VBP1: variants seen among roughly 807,000 people sequenced by gnomAD.
The protein encoded by VBP1 is prefoldin subunit 3.
Under a neutral mutation model 15.5 loss-of-function variants are expected in VBP1, and 4 were observed. That is an observed-to-expected ratio of 0.26 (90% CI 0.13 to 0.59). VBP1 has a LOEUF of 0.59. Among genes scored for constraint, VBP1 ranks in the 20% least tolerant of loss-of-function variants. VBP1 has a pLI of 0.90. For missense variants in VBP1, 108 were observed against 139.6 expected, an observed-to-expected ratio of 0.77 and a Z score of 1.14; for synonymous variants, 61 against 52.1, an observed-to-expected ratio of 1.17 and a Z score of -0.74.
chrX:155,198,853 A>G (rs1236901344), intron 1 of VBP1, among the ~76,000 whole-genome samples: 1 of 111,768 alleles, frequency 8.9e-6, no homozygotes, highest in African/African-American at 3.2e-5. Context: ...AGAAGTTAAA[A>G]ACTTTGAAAA....
chrX:155,214,288 A>C (rs2074654233), upstream of VBP1, among the ~76,000 whole-genome samples: 1 of 112,654 alleles, frequency 8.9e-6, no homozygotes, highest in African/African-American at 3.2e-5. Context: ...TAGTTCATCA[A>C]TTGCAACTGT....
intron 2 of VBP1, among the ~76,000 whole-genome samples, chrX:155,221,893 G>A (rs1421301575): frequency 2.7e-5 from 3 of 112,273 alleles, no homozygotes; most frequent in Non-Finnish European, 5.6e-5. Context: ...ATGGAAAGAT[G>A]GAGAGTGTTA....
At chrX:155,221,948 G>A (rs187091144) in intron 2 of VBP1, among the ~76,000 whole-genome samples, 3 of 112,197 alleles carry the variant, frequency 2.7e-5, no homozygotes, top group African/African-American at 9.7e-5. Flanking sequence ...GTGTGCTCTC[G>A]TTTTGGAAAA....
intron 3 of VBP1, among the ~76,000 whole-genome samples, chrX:155,227,859 C>G (rs1557310386): frequency 8.9e-6 from 1 of 112,283 alleles, no homozygotes; most frequent in African/African-American, 3.2e-5. Context: ...AAGATTAAAT[C>G]TCATAAGCAT....
Position 155,239,467 on chromosome X carries a change from A to G in VBP1, c.*625A>G, listed in dbSNP as rs1557311992. 1.8e-5 allele frequency: 2 copies of G among 112,149 alleles called. No homozygotes were observed. Among genetic ancestry groups the G allele is most frequent in the Non-Finnish European group, 3.8e-5 (2 of 53,294 alleles). 9.2% of individuals were successfully genotyped at this position (112,149 alleles called of 1,213,427 possible). A position where few individuals can be genotyped will look rare whatever the true frequency, so the allele number is the denominator to read the frequency against. ...TAAGTGCAGTGTCTTTGCAATGCCA[A>G]CATAAGGGAGATCTTGGCCAACGTG... On this transcript the variant is annotated 3_prime_UTR_variant, in exon 6 of 6. Coordinates refer to ENST00000286428, the MANE Select transcript of VBP1 (RefSeq NM_003372.7).
intron 2 of VBP1, among the ~76,000 whole-genome samples, chrX:155,225,768 T>C (rs782506669): frequency 2.4e-4 from 27 of 112,560 alleles, no homozygotes; most frequent in Non-Finnish European, 1.7e-4. Flanking sequence ...TCTGTTTACC[T>C]ATATGAACAT....
chrX:155,211,514 G>A (rs1044102834), upstream of VBP1, among the ~76,000 whole-genome samples: 1 of 112,377 alleles, frequency 8.9e-6, no homozygotes. Context: ...AGAGGCACTC[G>A]TCTCAGCTTC....
intron 4 of VBP1, among the ~76,000 whole-genome samples, chrX:155,234,649 TTC>T (rs1557311324): frequency 9.0e-6 from 1 of 111,632 alleles, no homozygotes; most frequent in African/African-American, 3.3e-5. Flanking sequence ...CTCTCTCTCT[TTC>T]TCTCTCTCAT....
intron 1 of VBP1, among the ~76,000 whole-genome samples, chrX:155,199,111 A>G (rs2074590846): frequency 9.0e-6 from 1 of 111,658 alleles, no homozygotes; most frequent in East Asian, 2.8e-4. Context: ...GACTATGTGA[A>G]AAGACCAAAT....
intron 2 of VBP1, 75 bp downstream of exon 2, chrX:155,220,382 T>C: frequency 1.1e-6 from 1 of 876,856 alleles, no homozygotes; most frequent in Non-Finnish European, 1.5e-6. Flanking sequence ...ATAATTTACA[T>C]ATAATAAAAT....
chrX:155,216,587 G>T lies in VBP1; in HGVS notation c.93+12G>T. The T allele has an allele frequency of 8.6e-7, 1 of 1,168,020 alleles. No homozygotes were observed. Among genetic ancestry groups the T allele is most frequent in the African/African-American group, 1.8e-5 (1 of 56,399 alleles). On this transcript the variant is annotated intron_variant, in intron 1 of 5. Transcript: ENST00000286428. ...AGGCCGTGTTTGTGGTAAGAGGCAC[G>T]CTGTTCCCTGGCATCTTGGCTTGAG... is the stretch of plus-strand genomic sequence containing the variant.
chrX:155,207,309 A>G (rs1342376146), intron 1 of VBP1, among the ~76,000 whole-genome samples: 1 of 111,858 alleles, frequency 8.9e-6, no homozygotes, highest in African/African-American at 3.3e-5. Flanking sequence ...TCAGGCATGA[A>G]TAACTATGGA....
At chrX:155,214,095 A>T (rs1211119603), upstream of VBP1, among the ~76,000 whole-genome samples, 1 of 112,788 alleles carries the variant, frequency 8.9e-6, no homozygotes, top group Non-Finnish European at 1.9e-5. Context: ...TATTGTGAAC[A>T]GCACCATAAA....
chrX:155,207,526 C>T lies in VBP1; in HGVS notation c.-30-1348C>T, dbSNP rs1398462298. Reference sequence around the variant, plus strand: ...GCAAGAGGTCTTGGTACCTTGCTCACTTAGGCCCTTTGTTTGATACTGCAG... The same window carrying T: ...GCAAGAGGTCTTGGTACCTTGCTCATTTAGGCCCTTTGTTTGATACTGCAG... On this transcript the variant is annotated intron_variant, in intron 1 of 6. Coordinates refer to the VBP1 transcript ENST00000535916. Among the ~76,000 whole-genome samples the T allele has an allele frequency of 4.5e-5, 5 of 111,875 alleles. No individual in the cohort carries two copies. The East Asian group carries it at 8.4e-4, about 19-fold the overall frequency.
At position 155,234,109 on chromosome X, in the gene VBP1, GTTTTTTTTTTTTT is replaced by G. The variant is rs35367656; in HGVS notation, c.385-2103_385-2091del. On this transcript the variant is annotated intron_variant, in intron 4 of 5. Transcript: ENST00000286428. ...GAGTTTTCACTTTAGTTGTTCCTCT[GTTTTTTTTTTTTT>G]TTTTTTTTTTTTTTTTGAGACAGAG... Among the ~76,000 whole-genome samples, 11 of 28,678 alleles carry G rather than the reference GTTTTTTTTTTTTT, an allele frequency of 3.8e-4. No individual in the cohort carries two copies. In the Admixed American group the frequency reaches 4.0e-3, roughly 11 times the overall value. The allele number at this position is 28,678 out of a possible 115,157, so 24.9% of individuals were successfully genotyped here.
intron 2 of VBP1, among the ~76,000 whole-genome samples, chrX:155,223,836 C>T (rs1407208959): frequency 9.2e-6 from 1 of 108,570 alleles, no homozygotes; most frequent in Non-Finnish European, 1.9e-5. Flanking sequence ...CTGCCCCCCA[C>T]CTGCCGGACG....
At chrX:155,224,847 G>A (rs1424123022) in intron 2 of VBP1, among the ~76,000 whole-genome samples, 3 of 111,103 alleles carry the variant, frequency 2.7e-5, no homozygotes, top group Non-Finnish European at 5.7e-5. Flanking sequence ...GTTTACAGAT[G>A]TTGACACTTC....
rs2074772214 is a variant in VBP1, at chrX:155,236,235, G to A, written c.391G>A (p.Val131Ile). 3 of 1,207,190 alleles carry A rather than the reference G, an allele frequency of 2.5e-6. No individual in the cohort carries two copies. Among genetic ancestry groups the A allele is most frequent in the Non-Finnish European group, 3.4e-6 (3 of 893,747 alleles). Reference protein sequence around the residue: ...DKVCLWLGANVMLEYDIDEAQ... With the variant: ...DKVCLWLGANIMLEYDIDEAQ... The stretch of plus-strand genomic sequence containing the variant: ...CATGACTTTCTCTCTTCAGGCTAAT[G>A]TAATGCTTGAATATGATATTGATGA... Residue 131 changes from valine (V) to isoleucine (I), a missense_variant, in exon 5 of 6, where the codon GTA (valine) becomes ATA (isoleucine). Val to Ile is a conservative substitution (Grantham distance 29). Coordinates refer to ENST00000286428, the MANE Select transcript of VBP1 (RefSeq NM_003372.7).
chrX:155,214,950 A>G (rs2074657332), upstream of VBP1, among the ~76,000 whole-genome samples: 1 of 110,477 alleles, frequency 9.1e-6, no homozygotes, highest in African/African-American at 3.3e-5. Context: ...TTCTGTTTGT[A>G]CCTGTAAGGG....
Sources: gnomAD v4.1 joint callset for allele counts (sites outside exome capture counted in the v4.1 genomes callset) on GRCh38, gnomAD v4.1.1 for gene constraint, MANE v1.5 for transcripts, NCBI Gene and HGNC (gene_info 2026-07-23, HGNC 2026-07-21) for gene names.